BZW2: variants seen among roughly 807,000 people sequenced by gnomAD.
The protein encoded by BZW2 is basic leucine zipper and W2 domains 2.
Under a neutral mutation model 53.2 loss-of-function variants are expected in BZW2, and 23 were observed. That is an observed-to-expected ratio of 0.43 (90% confidence interval 0.31 to 0.61). BZW2 has a LOEUF of 0.61. Among genes scored for constraint, BZW2 ranks in the 20% least tolerant of loss-of-function variants. The pLI is 0.09. For missense variants in BZW2, 409 were observed against 503.1 expected (o/e 0.81, Z 1.79); for synonymous variants, 227 against 186.4 (o/e 1.22, Z -1.77).
At chr7:16,650,105 T>C (rs747541091) in intron 1 of BZW2, among the ~76,000 whole-genome samples, 1 of 152,234 alleles carries the variant, frequency 6.6e-6, no homozygotes, top group Non-Finnish European at 1.5e-5. Flanking sequence ...TTCATTTAAG[T>C]GTTAAAACAG....
chr7:16,676,318 G>C (rs1180442324), intron 3 of BZW2, among the ~76,000 whole-genome samples: 1 of 152,154 alleles, frequency 6.6e-6, no homozygotes, highest in Non-Finnish European at 1.5e-5. Context: ...GGAAGCCAAG[G>C]CAGGCAGATC....
At chr7:16,686,563 A>G (rs2128364097) in intron 6 of BZW2, 1 of 155,322 alleles carries the variant, frequency 6.4e-6, no homozygotes, top group East Asian at 1.9e-4. Flanking sequence ...AGGGTTGGAT[A>G]GGCATGCATA....
intron 3 of BZW2, among the ~76,000 whole-genome samples, chr7:16,675,347 T>C (rs975424150): frequency 1.3e-5 from 2 of 152,172 alleles, no homozygotes; most frequent in African/African-American, 4.8e-5. Context: ...TTAAAAAGAC[T>C]TAAGCGGGGA....
chr7:16,682,283 A>T (rs909503282), intron 4 of BZW2, among the ~76,000 whole-genome samples: 2 of 152,184 alleles, frequency 1.3e-5, no homozygotes, highest in Non-Finnish European at 2.9e-5. Flanking sequence ...TACAGTTGCA[A>T]ACTTTGCTTC....
At chr7:16,687,636 G>C (rs1390232672) in intron 6 of BZW2, 1 of 152,110 alleles carries the variant, frequency 6.6e-6, no homozygotes, top group Non-Finnish European at 1.5e-5. Flanking sequence ...CAAGAGGATT[G>C]CTTGAGCCCA....
In BZW2 at chr7:16,663,607, A is replaced by T. The variant is rs1291200674; in HGVS notation, c.-7-1830A>T. On this transcript the variant is annotated intron_variant, in intron 1 of 11. Transcript: ENST00000258761. ...TTTCATGTTCTTAAGGATTTTTTAA[A>T]AAAAACTTTTGGGAGTAATTAAATT... Among the ~76,000 whole-genome samples the T allele has an allele frequency of 5.9e-5, 9 of 152,240 alleles. No homozygotes were observed. In the East Asian group the frequency reaches 1.7e-3, roughly 29 times the overall value.
intron 3 of BZW2, among the ~76,000 whole-genome samples, chr7:16,678,192 G>C (rs1782826418): frequency 6.7e-6 from 1 of 150,082 alleles, no homozygotes; most frequent in Non-Finnish European, 1.5e-5. Context: ...GAGTAGCCGG[G>C]ATTACAGGCG....
intron 1 of BZW2, among the ~76,000 whole-genome samples, chr7:16,650,374 G>A (rs1471975720): frequency 2.6e-5 from 4 of 152,038 alleles, no homozygotes; most frequent in Admixed American, 6.6e-5. Context: ...TCTTCTGTGC[G>A]TCATAATCCA....
At chr7:16,704,896 CT>C (rs1298542803) in intron 11 of BZW2, among the ~76,000 whole-genome samples, 4 of 152,168 alleles carry the variant, frequency 2.6e-5, no homozygotes, top group African/African-American at 9.7e-5. Context: ...AAATTATCCA[CT>C]CTGATGGAGG....
In BZW2 at chr7:16,646,239, G is replaced by T; in HGVS notation, c.-57G>T. On this transcript the variant is annotated 5_prime_UTR_variant, in exon 1 of 12. Coordinates refer to ENST00000258761, the MANE Select transcript of BZW2 (RefSeq NM_014038.3). ...GCTGCTGCTGCCGCTGCTGCTGCACGAATCGCCGCAGCCCCCAGCCTTGCG... is the reference window on the plus strand; with the variant it reads ...GCTGCTGCTGCCGCTGCTGCTGCACTAATCGCCGCAGCCCCCAGCCTTGCG... 5.8e-6 allele frequency: 2 copies of T among 342,250 alleles called. No individual in the cohort carries two copies. Among genetic ancestry groups the T allele is most frequent in the African/African-American group, 2.2e-5 (1 of 45,568 alleles). 21.2% of individuals were successfully genotyped at this position (342,250 alleles called of 1,614,324 possible).
At chr7:16,663,983 CTAT>C (rs1424602686) in intron 1 of BZW2, among the ~76,000 whole-genome samples, 1 of 152,054 alleles carries the variant, frequency 6.6e-6, no homozygotes, top group African/African-American at 2.4e-5. Context: ...GATAAAAAAT[CTAT>C]TAACAGTTTC....
In BZW2 at chr7:16,646,195, T is replaced by C. The variant is rs940069969; in HGVS notation, c.-101T>C. ...GTCTGTCCTTCACTCCTCCATTGTC[T>C]GCCGCCACTGCTGCTGCTGCTGCTG... On this transcript the variant is annotated 5_prime_UTR_variant, in exon 1 of 12. Transcript: ENST00000258761. 18 of 337,960 alleles carry C rather than the reference T, an allele frequency of 5.3e-5. No homozygotes were observed. The highest frequency in any genetic ancestry group is 7.4e-4 in the Middle Eastern group (1 of 1,344). 20.9% of individuals were successfully genotyped at this position (337,960 alleles called of 1,614,324 possible).
intron 3 of BZW2, among the ~76,000 whole-genome samples, chr7:16,677,338 C>T (rs916808373): frequency 2.0e-5 from 3 of 152,150 alleles, no homozygotes; most frequent in African/African-American, 7.2e-5. Context: ...GTCACCTTCC[C>T]AGCTAGGCTT....
At chr7:16,694,204 A>T (rs1308794541) in intron 7 of BZW2, among the ~76,000 whole-genome samples, 1 of 152,190 alleles carries the variant, frequency 6.6e-6, no homozygotes, top group Admixed American at 6.5e-5. Flanking sequence ...CTTTTTGAAA[A>T]TTTCCATCAG....
intron 7 of BZW2, 22 bp from the exon 8 acceptor site, chr7:16,694,812 C>T (rs1416606756): frequency 2.0e-6 from 3 of 1,495,708 alleles, no homozygotes; most frequent in Non-Finnish European, 2.7e-6. Flanking sequence ...TGTTTTATAG[C>T]AGTCTTTTTT....
At chr7:16,654,532 G>T (rs958486323) in intron 1 of BZW2, among the ~76,000 whole-genome samples, 1 of 132,812 alleles carries the variant, frequency 7.5e-6, no homozygotes, top group Non-Finnish European at 1.6e-5. Flanking sequence ...AAAAAAAAAC[G>T]GATGATATTT....
At chr7:16,698,303 T>C (rs911296113) in intron 10 of BZW2, 117 bp downstream of exon 10, 4 of 1,353,384 alleles carry the variant, frequency 3.0e-6, no homozygotes, top group Non-Finnish European at 4.1e-6. Flanking sequence ...GACAGCAAGA[T>C]GCTAATTTGT....
In BZW2 at chr7:16,680,967, G is replaced by A. The variant is rs543949149; in HGVS notation, c.236-334G>A. 5.3e-5 allele frequency among the ~76,000 whole-genome samples: 8 copies of A among 152,206 alleles called. No individual in the cohort carries two copies. The South Asian group carries it at 6.2e-4, about 12-fold the overall frequency. On this transcript the variant is annotated intron_variant, in intron 3 of 11. Coordinates refer to ENST00000258761, the MANE Select transcript of BZW2 (RefSeq NM_014038.3). ...AAAAATATAAAAATTAGCCAGGCAT[G>A]GTGGTGCATGCCTGTAATCCCAGCT...
intron 3 of BZW2, among the ~76,000 whole-genome samples, chr7:16,675,370 G>T (rs1312630012): frequency 6.6e-6 from 1 of 152,172 alleles, no homozygotes; most frequent in African/African-American, 2.4e-5. Flanking sequence ...GCAGGTATTT[G>T]TCTACCTGCT....
Sources: allele counts gnomAD v4.1 joint callset (sites outside exome capture counted in the v4.1 genomes callset), GRCh38; gene constraint gnomAD v4.1.1; transcripts MANE v1.5; gene names NCBI Gene and HGNC (gene_info 2026-07-23, HGNC 2026-07-21).